KANK1: variants seen among roughly 807,000 people sequenced by gnomAD.
The protein encoded by KANK1 is KN motif and ankyrin repeat domain-containing protein 1.
Under a neutral mutation model 106.2 loss-of-function variants are expected in KANK1, and 109 were observed. The ratio of observed to expected loss-of-function variants is 1.03; its 90% CI spans 0.88 to 1.20. KANK1 has a LOEUF of 1.20. Among genes scored for constraint, KANK1 ranks in the 50% most tolerant of loss-of-function variants. The pLI, the probability that KANK1 is intolerant of heterozygous loss-of-function variation, is 0.00. For synonymous variants in KANK1, 873 were observed against 652.2 expected, an observed-to-expected ratio of 1.34 and a Z score of -5.16; for missense variants, 2,399 against 1,710.7, an observed-to-expected ratio of 1.40 and a Z score of -7.10.
chr9:725,191 C>G (rs1830344240), intron 3 of KANK1, among the ~76,000 whole-genome samples: 1 of 152,164 alleles, frequency 6.6e-6, no homozygotes, highest in Non-Finnish European at 1.5e-5. Context: ...TCGTTCAGCT[C>G]TGTGGCCTGG....
In KANK1 at chr9:646,326, T is replaced by C. The variant is rs867550088; in HGVS notation, c.-83-30564T>C. Among the ~76,000 whole-genome samples, 5 of 150,450 alleles carry C rather than the reference T, an allele frequency of 3.3e-5. No individual in the cohort carries two copies. The East Asian group carries it at 7.7e-4, about 23-fold the overall frequency. ...AGTCTGGGCAACATAGCAAGACCTA[T>C]ATCTACCTAAAAAAAAAATTTAAGA... On this transcript the variant is annotated intron_variant, in intron 1 of 11. Transcript: ENST00000382297.
At chr9:701,148 C>T (rs1268566307) in intron 2 of KANK1, among the ~76,000 whole-genome samples, 1 of 152,080 alleles carries the variant, frequency 6.6e-6, no homozygotes, top group Non-Finnish European at 1.5e-5. Flanking sequence ...TGGAGTTTCA[C>T]TCTTGCCCAG....
chr9:508,773 A>T (rs1001056632), intron 1 of KANK1, among the ~76,000 whole-genome samples: 1 of 152,112 alleles, frequency 6.6e-6, no homozygotes, highest in South Asian at 2.1e-4. Context: ...TATGACTACA[A>T]TTTATCAATT....
intron 1 of KANK1, among the ~76,000 whole-genome samples, chr9:634,666 T>A (rs1208883817): frequency 6.6e-6 from 1 of 152,204 alleles, no homozygotes; most frequent in Non-Finnish European, 1.5e-5. Flanking sequence ...ACTGTTATCA[T>A]CCTTGTTTCA....
At chr9:602,228 C>T (rs944926124) in intron 1 of KANK1, among the ~76,000 whole-genome samples, 1 of 151,750 alleles carries the variant, frequency 6.6e-6, no homozygotes, top group Admixed American at 6.6e-5. Context: ...GTTTCTGACT[C>T]TCATTTTTAG....
chr9:635,463 A>G (rs535793269), intron 1 of KANK1, among the ~76,000 whole-genome samples: 7 of 152,162 alleles, frequency 4.6e-5, no homozygotes, highest in African/African-American at 1.4e-4. Flanking sequence ...TATTTGTGCA[A>G]ACCTTTTCCC....
chr9:676,126 T>A (rs1816371537), intron 1 of KANK1, among the ~76,000 whole-genome samples: 1 of 152,192 alleles, frequency 6.6e-6, no homozygotes, highest in East Asian at 1.9e-4. Flanking sequence ...CACAACCTGT[T>A]TTATCAGCAA....
intron 1 of KANK1, among the ~76,000 whole-genome samples, chr9:584,375 A>C (rs1822926118): frequency 6.6e-6 from 1 of 152,212 alleles, no homozygotes; most frequent in African/African-American, 2.4e-5. Context: ...AATTATCCTC[A>C]TGATTTTTAT....
At chr9:566,608 G>C (rs1028104960) in intron 1 of KANK1, among the ~76,000 whole-genome samples, 2 of 152,090 alleles carry the variant, frequency 1.3e-5, no homozygotes, top group Non-Finnish European at 2.9e-5. Flanking sequence ...TCTAATGATC[G>C]GTAATGTTGA....
At chr9:689,604 T>C (rs1819399653) in intron 2 of KANK1, among the ~76,000 whole-genome samples, 1 of 152,124 alleles carries the variant, frequency 6.6e-6, no homozygotes, top group African/African-American at 2.4e-5. Flanking sequence ...CCCTAAATCC[T>C]GTCACACCCT....
At chr9:612,043 G>C (rs564011233) in intron 1 of KANK1, among the ~76,000 whole-genome samples, 1 of 152,158 alleles carries the variant, frequency 6.6e-6, no homozygotes, top group East Asian at 1.9e-4. Flanking sequence ...ATGTGCCCTT[G>C]CCTGTACATA....
chr9:653,615 G>C (rs143386225), intron 1 of KANK1, among the ~76,000 whole-genome samples: 1 of 152,052 alleles, frequency 6.6e-6, no homozygotes, highest in African/African-American at 2.4e-5. Flanking sequence ...ATTTGATTTC[G>C]GAGGTTTCAA....
At position 710,070 on chromosome 9, in the gene KANK1, G is replaced by A. The variant is rs1825509307; in HGVS notation, c.38-734G>A. ...TAGACTACAAAAGTGGGGAAAGAGG[G>A]GAGTGAGGGTTGAAAAATTACCTAT... On this transcript the variant is annotated intron_variant, in intron 2 of 11. Coordinates refer to ENST00000382297, the MANE Select transcript of KANK1 (RefSeq NM_015158.5). Among the ~76,000 whole-genome samples the A allele has an allele frequency of 3.9e-5, 6 of 152,280 alleles. No homozygotes were observed. The South Asian group carries it at 1.2e-3, about 32-fold the overall frequency.
rs562200168 is a variant in KANK1 at position 741,790 on chromosome 9, G to C, written c.3697-415G>C. Among the ~76,000 whole-genome samples the C allele has an allele frequency of 2.2e-4, 34 of 151,936 alleles. No individual in the cohort carries two copies. The South Asian group carries it at 4.0e-3, about 18-fold the overall frequency. On this transcript the variant is annotated intron_variant, in intron 9 of 11. Coordinates refer to ENST00000382297, the MANE Select transcript of KANK1 (RefSeq NM_015158.5). ...GCGTGAGCTACTGCGCCAGCCCCTG[G>C]CTTTTTTTTAAGTAGAGATGGGGTT...
intron 3 of KANK1, among the ~76,000 whole-genome samples, chr9:728,853 C>G (rs1020657012): frequency 6.6e-6 from 1 of 152,158 alleles, no homozygotes; most frequent in African/African-American, 2.4e-5. Flanking sequence ...TTGAATCTAC[C>G]GAAGACCTGG....
chr9:668,251 G>A (rs62530117), intron 1 of KANK1, among the ~76,000 whole-genome samples: 18,162 of 152,152 alleles, frequency 0.12, 1,473 homozygotes, highest in Non-Finnish European at 0.16. Context: ...CTGATGTGTA[G>A]TTTGATACAA....
chr9:597,037 A>G (rs992677872), intron 1 of KANK1, among the ~76,000 whole-genome samples: 1 of 151,978 alleles, frequency 6.6e-6, no homozygotes, highest in African/African-American at 2.4e-5. Context: ...TTCACTTAGT[A>G]TATTCATCCA....
intron 1 of KANK1, among the ~76,000 whole-genome samples, chr9:613,452 A>G (rs1168090644): frequency 6.6e-6 from 1 of 152,036 alleles, no homozygotes; most frequent in Non-Finnish European, 1.5e-5. Context: ...TAAACTTCTT[A>G]AAACATGAGA....
At chr9:577,557 C>T (rs150495176) in intron 1 of KANK1, among the ~76,000 whole-genome samples, 85 of 152,278 alleles carry the variant, frequency 5.6e-4, no homozygotes, top group Middle Eastern at 3.4e-3. Context: ...GAAGCTCAGC[C>T]GGCTTCACCT....
Sources: gnomAD v4.1 joint callset for allele counts (sites outside exome capture counted in the v4.1 genomes callset) on GRCh38, gnomAD v4.1.1 for gene constraint, MANE v1.5 for transcripts, NCBI Gene and HGNC (gene_info 2026-07-23, HGNC 2026-07-21) for gene names.